HERC3: variants seen among roughly 807,000 people sequenced by gnomAD.
HERC3 encodes the protein probable E3 ubiquitin-protein ligase HERC3.
In HERC3, 58 loss-of-function variants were observed where a neutral mutation model predicts 129.9. The observed-to-expected ratio is 0.45, with a 90% CI of 0.36 to 0.56. The LOEUF is 0.56. Among genes scored for constraint, HERC3 ranks in the 20% least tolerant of loss-of-function variants. The probability of loss-of-function intolerance (pLI) is 0.00; values close to 1 mark genes in which losing one functional copy is unlikely to be tolerated. For synonymous variants in HERC3, 430 were observed against 451.0 expected, an observed-to-expected ratio of 0.95 and a Z score of 0.59; for missense variants, 835 against 1,244.2, an observed-to-expected ratio of 0.67 and a Z score of 4.95.
At chr4:88,568,313 C>G in the HERC3 span, among the ~76,000 whole-genome samples, 2 of 152,158 alleles carry the variant, frequency 1.3e-5, no homozygotes, top group African/African-American at 4.8e-5. Context: ...CCCAAGGGCT[C>G]TTCAGTTAGC....
chr4:88,634,960 G>A (rs918483458), intron 3 of HERC3, among the ~76,000 whole-genome samples: 1 of 152,060 alleles, frequency 6.6e-6, no homozygotes, highest in African/African-American at 2.4e-5. Context: ...AACAACAACA[G>A]TTTCAACAAA....
At chr4:88,683,598 C>T (rs1163741181) in intron 21 of HERC3, among the ~76,000 whole-genome samples, 1 of 152,224 alleles carries the variant, frequency 6.6e-6, no homozygotes, top group Non-Finnish European at 1.5e-5. Flanking sequence ...TAGGACTTCT[C>T]TTTCCAGGCA....
chr4:88,664,048 T>C (rs1730789919), intron 11 of HERC3, 105 bp from the exon 12 acceptor site: 1 of 853,824 alleles, frequency 1.2e-6, no homozygotes, highest in Non-Finnish European at 1.8e-6. Flanking sequence ...AAAGAGCTGC[T>C]ATTAATGAAA....
chr4:88,617,698 C>T (rs1464038497), intron 3 of HERC3, among the ~76,000 whole-genome samples: 1 of 151,980 alleles, frequency 6.6e-6, no homozygotes, highest in African/African-American at 2.4e-5. Flanking sequence ...GGTGAAACCT[C>T]GTCTTTACTA....
the HERC3 span, among the ~76,000 whole-genome samples, chr4:88,550,394 C>T: frequency 6.6e-6 from 1 of 152,158 alleles, no homozygotes; most frequent in Non-Finnish European, 1.5e-5. Context: ...CCCATTGTCT[C>T]AGCCCAAAAT....
rs760921367 is a variant in HERC3, at chr4:88,670,037, G to A, written c.1797+14G>A. 1.5e-5 allele frequency: 24 copies of A among 1,611,968 alleles called. No homozygotes were observed. The East Asian group carries it at 3.1e-4, about 21-fold the overall frequency. ...AAGTTATATAAGGTGAGCATAGGAG[G>A]TGCTAGTGGGGAGGGGGTGATTAGA... On this transcript the variant is annotated intron_variant, in intron 15 of 25. Transcript: ENST00000402738.
chr4:88,670,103 C>T (rs1478927344), intron 15 of HERC3, 36 bp from the exon 16 acceptor site: 2 of 1,598,382 alleles, frequency 1.3e-6, no homozygotes, highest in Admixed American at 1.7e-5. Flanking sequence ...CTCTGGGAAG[C>T]CATGTTTCAG....
chr4:88,558,302 A>G, the HERC3 span, among the ~76,000 whole-genome samples: 1 of 152,204 alleles, frequency 6.6e-6, no homozygotes, highest in Admixed American at 6.5e-5. Flanking sequence ...TATATACACC[A>G]TGGAATACTA....
intron 10 of HERC3, among the ~76,000 whole-genome samples, chr4:88,660,863 C>T (rs1473108107): frequency 6.6e-6 from 1 of 152,130 alleles, no homozygotes; most frequent in Non-Finnish European, 1.5e-5. Flanking sequence ...TTTAATTGGT[C>T]TGGAGTATGA....
chr4:88,574,622 CT>C, the HERC3 span, among the ~76,000 whole-genome samples: 1 of 152,172 alleles, frequency 6.6e-6, no homozygotes, highest in Non-Finnish European at 1.5e-5. Flanking sequence ...ATTCTGCTGT[CT>C]TTATAAACTT....
At chr4:88,639,133 G>T (rs1323144361) in intron 3 of HERC3, among the ~76,000 whole-genome samples, 1 of 152,146 alleles carries the variant, frequency 6.6e-6, no homozygotes, top group Non-Finnish European at 1.5e-5. Flanking sequence ...TCATGGATAG[G>T]AAGAATCAGT....
At chr4:88,536,144 C>T in the HERC3 span, among the ~76,000 whole-genome samples, 2 of 152,222 alleles carry the variant, frequency 1.3e-5, no homozygotes, top group African/African-American at 4.8e-5. Context: ...TGAGGCCCTC[C>T]AGCAACTGGC....
At chr4:88,665,541 A>G (rs1730958072) in intron 12 of HERC3, among the ~76,000 whole-genome samples, 1 of 152,194 alleles carries the variant, frequency 6.6e-6, no homozygotes, top group African/African-American at 2.4e-5. Flanking sequence ...ACCCACACTG[A>G]ATGAGGATGG....
Position 88,654,842 on chromosome 4 carries a change from T to A in HERC3, c.778-332T>A, listed in dbSNP as rs148017770. Among the ~76,000 whole-genome samples the A allele has an allele frequency of 4.0e-4, 61 of 152,302 alleles. 2 individuals are homozygous for A. In the East Asian group the frequency reaches 0.012, roughly 29 times the overall value. On this transcript the variant is annotated intron_variant, in intron 7 of 25. Transcript: ENST00000402738. Reference sequence around the variant, plus strand: ...CTAATTTCTTACATGTGAATGATCATGTAAAATCATCTCATTTAGCCTAGC... The same window carrying A: ...CTAATTTCTTACATGTGAATGATCAAGTAAAATCATCTCATTTAGCCTAGC...
chr4:88,562,939 T>C, the HERC3 span, among the ~76,000 whole-genome samples: 1 of 152,204 alleles, frequency 6.6e-6, no homozygotes, highest in Non-Finnish European at 1.5e-5. Context: ...TAATATGATT[T>C]CTCCAGTTTT....
intron 3 of HERC3, among the ~76,000 whole-genome samples, chr4:88,635,184 G>T (rs1427551795): frequency 6.6e-6 from 1 of 152,082 alleles, no homozygotes; most frequent in African/African-American, 2.4e-5. Context: ...GCTTCAGAAG[G>T]TGGGTAACAA....
chr4:88,527,616 C>G, the HERC3 span: 2 of 245,470 alleles, frequency 8.1e-6, no homozygotes, highest in African/African-American at 2.3e-5. Flanking sequence ...ACCCGCTGAT[C>G]CACAACAGTT....
chr4:88,548,239 A>G, the HERC3 span, among the ~76,000 whole-genome samples: 1 of 152,224 alleles, frequency 6.6e-6, no homozygotes, highest in Non-Finnish European at 1.5e-5. Context: ...TGGTGGCCAT[A>G]TAACTCTGTG....
At chr4:88,652,262 A>G (rs1389040978) in intron 5 of HERC3, among the ~76,000 whole-genome samples, 174 bp downstream of exon 5, 2 of 152,112 alleles carry the variant, frequency 1.3e-5, no homozygotes, top group East Asian at 3.8e-4. Context: ...TCCTTTTCTC[A>G]GGGTGTGGGT....
Sources: gnomAD v4.1 joint callset for allele counts (sites outside exome capture counted in the v4.1 genomes callset) on GRCh38, gnomAD v4.1.1 for gene constraint, MANE v1.5 for transcripts, NCBI Gene and HGNC (gene_info 2026-07-23, HGNC 2026-07-21) for gene names.